The following UBAP2L variants were observed in gnomAD, a reference collection of about 807,000 sequenced individuals.
UBAP2L encodes the protein ubiquitin associated protein 2 like.
A neutral mutation model predicts 130.6 loss-of-function variants in UBAP2L; 12 were observed. That is an observed-to-expected ratio of 0.09 (90% confidence interval 0.06 to 0.15). The LOEUF (loss-of-function observed/expected upper bound fraction) is 0.15. UBAP2L is among the 10% of genes least tolerant of loss of function. UBAP2L has a pLI of 1.00. For synonymous variants in UBAP2L, 503 were observed against 524.7 expected (o/e 0.96, Z 0.57); for missense variants, 965 against 1,332.5 (o/e 0.72, Z 4.29).
chr1:154,243,359 T>A, intron 10 of UBAP2L, 57 bp downstream of exon 10: 1 of 1,521,524 alleles, frequency 6.6e-7, no homozygotes, highest in Non-Finnish European at 9.1e-7. Flanking sequence ...GAGATTACTG[T>A]AAAGAGAAGT....
At chr1:154,235,516 C>A (rs1197272063) in intron 6 of UBAP2L, among the ~76,000 whole-genome samples, 1 of 151,892 alleles carries the variant, frequency 6.6e-6, no homozygotes, top group African/African-American at 2.4e-5. Flanking sequence ...GTATGCCTGG[C>A]TAATTTTTTT....
intron 14 of UBAP2L, 48 bp from the exon 15 acceptor site, chr1:154,253,852 A>T (rs1376490539): frequency 6.3e-7 from 1 of 1,585,480 alleles, no homozygotes; most frequent in Non-Finnish European, 8.6e-7. Context: ...GTATGAGTAG[A>T]TATGCTCTAT....
chr1:154,244,715 A>AG (rs1397994237), intron 10 of UBAP2L, among the ~76,000 whole-genome samples: 4 of 152,170 alleles, frequency 2.6e-5, no homozygotes, highest in Admixed American at 2.6e-4. Flanking sequence ...AGAAATGAGT[A>AG]GGGCAAGGTA....
chr1:154,257,845 C>G (rs1248184688), intron 20 of UBAP2L: 5 of 194,448 alleles, frequency 2.6e-5, no homozygotes, highest in Non-Finnish European at 4.3e-5. Flanking sequence ...TGTGTGCGTA[C>G]AATGTGTATG....
At position 154,259,010 on chromosome 1, in the gene UBAP2L, C is replaced by T. The variant is rs1253966021; in HGVS notation, c.2476C>T (p.Leu826Phe). 6.2e-7 allele frequency: 1 copy of T among 1,613,922 alleles called. No homozygotes were observed. The highest frequency in any genetic ancestry group is 1.1e-5 in the South Asian group (1 of 91,058). Reference sequence around the variant, plus strand: ...ATATGGTTATGATGACTTGCAGATGCTTCAGACAAGATTTCCATTGGTGAG... The same window carrying T: ...ATATGGTTATGATGACTTGCAGATGTTTCAGACAAGATTTCCATTGGTGAG... ...QVYGYDDLQM[L>F]QTRFPLDYYS... is the part of the protein sequence containing the mutation. Residue 826 changes from leucine (L) to phenylalanine (F), a missense_variant, in exon 21 of 27, where the codon CTT becomes TTT. Coordinates refer to ENST00000428931, the MANE Select transcript of UBAP2L (RefSeq NM_014847.4).
In UBAP2L at chr1:154,260,045, G is replaced by T. The variant is rs1681015907; in HGVS notation, c.2578+16G>T. ...CCTTATTCTGGTAGGATTGGGATGG[G>T]ACTAAATAAATAAAAAGGGAGATAG... On this transcript the variant is annotated intron_variant, in intron 22 of 26. Transcript: ENST00000428931. The T allele has an allele frequency of 6.2e-7, 1 of 1,612,534 alleles. No homozygotes were observed. The highest frequency in any genetic ancestry group is 2.2e-5 in the East Asian group (1 of 44,866).
chr1:154,236,553 A>G lies in UBAP2L; in HGVS notation c.545-13A>G. On this transcript the variant is annotated splice_polypyrimidine_tract_variant and intron_variant, in intron 6 of 26. Transcript: ENST00000428931. ...AATACATCTCTCTTCTCTTTTTCTC[A>G]TTCTTTCTTTAGGTGGCTCTGGTAG... 1.2e-6 allele frequency: 2 copies of G among 1,613,534 alleles called. No homozygotes were observed. Among genetic ancestry groups the G allele is most frequent in the South Asian group, 1.1e-5 (1 of 91,054 alleles).
At chr1:154,271,495 G>A (rs1018125324), downstream of UBAP2L, 2 of 152,234 alleles carry the variant, frequency 1.3e-5, no homozygotes, top group African/African-American at 4.8e-5. Flanking sequence ...ATTCCCCCTA[G>A]GAATGGACTA....
At chr1:154,266,036 T>G (rs1317673111) in intron 24 of UBAP2L, among the ~76,000 whole-genome samples, 1 of 152,194 alleles carries the variant, frequency 6.6e-6, no homozygotes, top group Non-Finnish European at 1.5e-5. Context: ...CTAGTACTTA[T>G]GCAGTGGAGG....
intron 6 of UBAP2L, among the ~76,000 whole-genome samples, chr1:154,235,871 G>A (rs1671502644): frequency 6.6e-6 from 1 of 151,294 alleles, no homozygotes; most frequent in Non-Finnish European, 1.5e-5. Context: ...AAGTGCTGAG[G>A]TTATAGGTGT....
At chr1:154,263,791 G>A (rs1484722212) in intron 24 of UBAP2L, among the ~76,000 whole-genome samples, 1 of 152,122 alleles carries the variant, frequency 6.6e-6, no homozygotes, top group Non-Finnish European at 1.5e-5. Context: ...ATAAGCAGTG[G>A]GGGAAAGGAC....
At chr1:154,257,631 G>C in intron 20 of UBAP2L, 197 bp downstream of exon 20, 1 of 600,014 alleles carries the variant, frequency 1.7e-6, no homozygotes, top group Non-Finnish European at 2.9e-6. Flanking sequence ...GTGTCTGGTT[G>C]GAAAAAATTC....
At chr1:154,262,648 A>G (rs930968715) in intron 24 of UBAP2L, among the ~76,000 whole-genome samples, 1 of 152,166 alleles carries the variant, frequency 6.6e-6, no homozygotes, top group Non-Finnish European at 1.5e-5. Context: ...ATAATTGGGA[A>G]GAGCACAGAA....
intron 14 of UBAP2L, among the ~76,000 whole-genome samples, chr1:154,251,941 A>T (rs139573930): frequency 0.023 from 3,520 of 152,214 alleles, 63 homozygotes; most frequent in Non-Finnish European, 0.037. Flanking sequence ...GTTCAAGACC[A>T]GCCTGGGCAA....
intron 10 of UBAP2L, among the ~76,000 whole-genome samples, chr1:154,245,072 T>TAC: frequency 6.6e-6 from 1 of 152,036 alleles, no homozygotes; most frequent in South Asian, 2.1e-4. Context: ...GCTGGTATAG[T>TAC]AGGCACCCGC....
intron 3 of UBAP2L, 116 bp from the exon 4 acceptor site, chr1:154,228,499 T>A: frequency 1.3e-6 from 1 of 769,596 alleles, no homozygotes; most frequent in Non-Finnish European, 2.1e-6. Flanking sequence ...CATCTTTTGC[T>A]TTTTAAACTT....
chr1:154,270,403 C>T lies in UBAP2L; in HGVS notation c.*108C>T. 5.2e-6 allele frequency: 8 copies of T among 1,541,496 alleles called. No homozygotes were observed. Among genetic ancestry groups the T allele is most frequent in the Non-Finnish European group, 6.1e-6 (7 of 1,148,272 alleles). ...GAATGTGGGGGGTTTCCGCTGCCCC[C>T]CACCCCCAGCGGCCCACCCCATGCC... On this transcript the variant is annotated 3_prime_UTR_variant, in exon 27 of 27. Coordinates refer to ENST00000428931, the MANE Select transcript of UBAP2L (RefSeq NM_014847.4).
downstream of UBAP2L, chr1:154,271,059 C>A: frequency 9.8e-7 from 1 of 1,021,454 alleles, no homozygotes. Flanking sequence ...CCCCTCACCC[C>A]TAAGACTTTC....
chr1:154,269,291 C>T, intron 26 of UBAP2L: 1 of 1,337,224 alleles, frequency 7.5e-7, no homozygotes, highest in Non-Finnish European at 1.0e-6. Flanking sequence ...TTTTAGCTTT[C>T]CCTTCTAATG....
Sources: allele counts gnomAD v4.1 joint callset (sites outside exome capture counted in the v4.1 genomes callset), GRCh38; gene constraint gnomAD v4.1.1; transcripts MANE v1.5; gene names NCBI Gene and HGNC (gene_info 2026-07-23, HGNC 2026-07-21).